TRPM3: variants seen among roughly 807,000 people sequenced by gnomAD.
TRPM3 encodes long transient receptor potential channel 3.
In TRPM3, 77 loss-of-function variants were observed where a neutral mutation model predicts 181.2. The ratio of observed to expected loss-of-function variants is 0.42; its 90% confidence interval spans 0.35 to 0.51. The LOEUF (loss-of-function observed/expected upper bound fraction) is 0.51. Ranked by LOEUF, TRPM3 falls within the 20% of genes least tolerant of loss-of-function variation. TRPM3 has a pLI of 0.01. For synonymous variants in TRPM3, 745 were observed against 796.4 expected (o/e 0.94, Z 1.09); for missense variants, 1,759 against 2,196.7 (o/e 0.80, Z 3.98).
chr9:71,051,995 A>C lies in TRPM3; in HGVS notation c.177+69183T>G, dbSNP rs950819988. ...TTGGCACAGAATTTGGCTTCATGTTAAGGGGACCTTTGTACATATTATTAT... is the reference window on the plus strand; with the variant it reads ...TTGGCACAGAATTTGGCTTCATGTTCAGGGGACCTTTGTACATATTATTAT... On this transcript the variant is annotated intron_variant, in intron 1 of 25. Transcript: ENST00000677713. 2.0e-5 allele frequency among the ~76,000 whole-genome samples: 3 copies of C among 152,234 alleles called. No homozygotes were observed. The South Asian group carries it at 6.2e-4, about 32-fold the overall frequency.
chr9:70,566,433 A>T (rs1379305621), intron 22 of TRPM3, among the ~76,000 whole-genome samples: 1 of 152,108 alleles, frequency 6.6e-6, no homozygotes, highest in African/African-American at 2.4e-5. Flanking sequence ...GAGCACCGAG[A>T]GGTGGGAGCA....
intron 8 of TRPM3, among the ~76,000 whole-genome samples, chr9:70,743,039 G>C (rs910195341): frequency 1.3e-5 from 2 of 152,292 alleles, no homozygotes; most frequent in Non-Finnish European, 2.9e-5. Context: ...CTGGAGGGTG[G>C]ATAGAGATGG....
At chr9:71,147,681 C>T (rs1282725646) in intron 1 of TRPM3, among the ~76,000 whole-genome samples, 1 of 152,136 alleles carries the variant, frequency 6.6e-6, no homozygotes, top group Non-Finnish European at 1.5e-5. Context: ...GAATTTATCC[C>T]ATTTCAAGTG....
At chr9:71,134,006 T>TGCGCGCGCGC (rs1179294739) in intron 1 of TRPM3, among the ~76,000 whole-genome samples, 1 of 66,012 alleles carries the variant, frequency 1.5e-5, no homozygotes, top group Non-Finnish European at 3.1e-5. Flanking sequence ...TGTGTGTGTG[T>TGCGCGCGCGC]GTGTGTGTGC....
At chr9:70,966,862 G>A (rs1381134111) in intron 1 of TRPM3, among the ~76,000 whole-genome samples, 1 of 151,998 alleles carries the variant, frequency 6.6e-6, no homozygotes, top group Non-Finnish European at 1.5e-5. Context: ...TAACAAACCT[G>A]CACATGTATC....
chr9:71,426,811 G>A (rs541574986), intron 1 of TRPM3, among the ~76,000 whole-genome samples: 1 of 151,744 alleles, frequency 6.6e-6, no homozygotes, highest in African/African-American at 2.4e-5. Context: ...TACTTACTAA[G>A]GCGTTAAGAC....
chr9:70,950,437 T>G (rs777869196), intron 1 of TRPM3, among the ~76,000 whole-genome samples: 2 of 152,186 alleles, frequency 1.3e-5, no homozygotes, highest in Middle Eastern at 3.2e-3. Context: ...TAGGGTGACA[T>G]ATTATGCGCT....
At chr9:70,786,416 C>T (rs1045546200) in intron 6 of TRPM3, among the ~76,000 whole-genome samples, 6 of 151,370 alleles carry the variant, frequency 4.0e-5, no homozygotes, top group Non-Finnish European at 5.9e-5. Context: ...TCCCGGGAGG[C>T]AGAGGCTGTA....
At chr9:70,853,765 T>C (rs2095309610) in intron 3 of TRPM3, among the ~76,000 whole-genome samples, 2 of 152,210 alleles carry the variant, frequency 1.3e-5, no homozygotes, top group Non-Finnish European at 2.9e-5. Flanking sequence ...TTGCCCGTTA[T>C]TTGTGATTTA....
chr9:71,324,620 T>A (rs2089512864), intron 1 of TRPM3, among the ~76,000 whole-genome samples: 1 of 152,020 alleles, frequency 6.6e-6, no homozygotes, highest in Non-Finnish European at 1.5e-5. Flanking sequence ...ATACTGGGTA[T>A]CTATTCAAAG....
intron 1 of TRPM3, among the ~76,000 whole-genome samples, chr9:71,077,571 A>T (rs1050518184): frequency 6.6e-6 from 1 of 152,194 alleles, no homozygotes; most frequent in African/African-American, 2.4e-5. Flanking sequence ...GAACTGCAAG[A>T]TGTTTGAAGT....
chr9:71,117,365 G>A (rs2072634476), intron 1 of TRPM3, among the ~76,000 whole-genome samples: 1 of 152,140 alleles, frequency 6.6e-6, no homozygotes, highest in South Asian at 2.1e-4. Flanking sequence ...TCTATTAGGT[G>A]GGTGAAAATG....
chr9:70,901,813 A>G (rs2096391133), intron 1 of TRPM3, among the ~76,000 whole-genome samples: 1 of 152,182 alleles, frequency 6.6e-6, no homozygotes, highest in Non-Finnish European at 1.5e-5. Flanking sequence ...CAAGTTATTA[A>G]TGATTGATTA....
intron 1 of TRPM3, among the ~76,000 whole-genome samples, chr9:71,324,499 C>T (rs1461645138): frequency 1.3e-5 from 2 of 151,582 alleles, no homozygotes; most frequent in Non-Finnish European, 2.9e-5. Context: ...GAAAAGGGAA[C>T]TCTTATACAC....
intron 3 of TRPM3, among the ~76,000 whole-genome samples, chr9:70,856,826 G>T (rs1173846823): frequency 2.0e-5 from 3 of 152,164 alleles, no homozygotes. Flanking sequence ...TGACTTGAGA[G>T]GTTTAAATAT....
intron 1 of TRPM3, among the ~76,000 whole-genome samples, chr9:71,129,550 A>G (rs1317457760): frequency 6.6e-6 from 1 of 152,210 alleles, no homozygotes; most frequent in Non-Finnish European, 1.5e-5. Context: ...AGTATTACAG[A>G]TGAGGAAATA....
intron 1 of TRPM3, among the ~76,000 whole-genome samples, chr9:71,330,550 T>A (rs1257629860): frequency 6.6e-6 from 1 of 151,878 alleles, no homozygotes; most frequent in African/African-American, 2.4e-5. Flanking sequence ...ATTTTTCTAA[T>A]AATAAGAAAT....
intron 1 of TRPM3, among the ~76,000 whole-genome samples, chr9:71,432,219 C>T (rs528763629): frequency 2.6e-5 from 4 of 151,804 alleles, no homozygotes; most frequent in South Asian, 4.2e-4. Flanking sequence ...CTGTCTCCAT[C>T]GGTGGACCCA....
chr9:71,018,999 A>T (rs2097815031), intron 1 of TRPM3, among the ~76,000 whole-genome samples: 1 of 151,998 alleles, frequency 6.6e-6, no homozygotes, highest in Admixed American at 6.6e-5. Flanking sequence ...AAATTATATT[A>T]ATTCACCACA....
Sources: allele counts gnomAD v4.1 joint callset (sites outside exome capture counted in the v4.1 genomes callset), GRCh38; gene constraint gnomAD v4.1.1; transcripts MANE v1.5; gene names NCBI Gene and HGNC (gene_info 2026-07-23, HGNC 2026-07-21).